RABGAP1L: variants seen among roughly 807,000 people sequenced by gnomAD.
RABGAP1L encodes rab GTPase-activating protein 1-like.
Under a neutral mutation model 137.7 loss-of-function variants are expected in RABGAP1L, and 63 were observed. The observed-to-expected ratio is 0.46, with a 90% CI of 0.37 to 0.56. The LOEUF (loss-of-function observed/expected upper bound fraction) is 0.56, where lower values mean the gene tolerates loss of function less well. RABGAP1L is among the 20% of genes least tolerant of loss of function. The probability of loss-of-function intolerance (pLI) is 0.00; values close to 1 mark genes in which losing one functional copy is unlikely to be tolerated. For missense variants in RABGAP1L, 1,095 were observed against 1,244.0 expected, an observed-to-expected ratio of 0.88 and a Z score of 1.80; for synonymous variants, 431 against 433.7, an observed-to-expected ratio of 0.99 and a Z score of 0.08.
intron 18 of RABGAP1L, among the ~76,000 whole-genome samples, chr1:174,796,980 C>T (rs949962642): frequency 6.7e-6 from 1 of 149,180 alleles, no homozygotes; most frequent in Admixed American, 6.8e-5. Context: ...GCATTCCAGC[C>T]TGGGCAACAG....
chr1:174,933,103 C>T (rs1375327938), intron 19 of RABGAP1L, among the ~76,000 whole-genome samples: 1 of 152,092 alleles, frequency 6.6e-6, no homozygotes, highest in Non-Finnish European at 1.5e-5. Flanking sequence ...TGCATACATA[C>T]ATACATACAT....
chr1:174,940,980 C>T (rs1665767576), intron 19 of RABGAP1L, among the ~76,000 whole-genome samples: 1 of 152,228 alleles, frequency 6.6e-6, no homozygotes, highest in Admixed American at 6.5e-5. Flanking sequence ...TGTATTCCTT[C>T]CGGCCTGCTC....
intron 12 of RABGAP1L, among the ~76,000 whole-genome samples, chr1:174,384,904 T>C (rs1157271982): frequency 3.3e-5 from 5 of 152,212 alleles, no homozygotes; most frequent in Non-Finnish European, 7.3e-5. Flanking sequence ...TTGTCTTATA[T>C]AGTGTTTTAA....
chr1:174,248,179 C>T (rs934733752), intron 5 of RABGAP1L, among the ~76,000 whole-genome samples: 3 of 152,166 alleles, frequency 2.0e-5, no homozygotes, highest in Non-Finnish European at 4.4e-5. Flanking sequence ...CCAGCTGAGG[C>T]TGAACCTTTC....
intron 19 of RABGAP1L, among the ~76,000 whole-genome samples, chr1:174,915,077 T>C (rs542505188): frequency 2.6e-5 from 4 of 152,362 alleles, no homozygotes; most frequent in South Asian, 4.1e-4. Flanking sequence ...CATTTACCAG[T>C]TGATGGACTT....
At chr1:174,649,760 A>G (rs1017349203) in intron 14 of RABGAP1L, among the ~76,000 whole-genome samples, 1 of 152,166 alleles carries the variant, frequency 6.6e-6, no homozygotes, top group African/African-American at 2.4e-5. Context: ...TTTTCTAGAT[A>G]TGCAATGATG....
chr1:174,612,630 G>C (rs1671370121), intron 13 of RABGAP1L, among the ~76,000 whole-genome samples: 2 of 152,094 alleles, frequency 1.3e-5, no homozygotes, highest in Admixed American at 6.5e-5. Flanking sequence ...CAGAAGGAAT[G>C]GTACCAGTTA....
At position 174,683,642 on chromosome 1, in the gene RABGAP1L, ATTTTAC is replaced by A. The variant is rs765748261; in HGVS notation, c.1899+50_1899+55del. On this transcript the variant is annotated intron_variant, in intron 15 of 25. Transcript: ENST00000681986. ...TAAATAGCACAGTGCTGCCAAGTTTATTTTACTTTCTACTGGCTTTGTTCTTCCTTC... is the reference window on the plus strand; with the variant it reads ...TAAATAGCACAGTGCTGCCAAGTTTATTTCTACTGGCTTTGTTCTTCCTTC... The A allele has an allele frequency of 2.1e-6, 3 of 1,421,578 alleles. No homozygotes were observed. The African/African-American group carries it at 4.3e-5, about 20-fold the overall frequency. 88.1% of individuals were successfully genotyped at this position (1,421,578 alleles called of 1,614,324 possible).
At chr1:174,934,944 G>T (rs866033564) in intron 19 of RABGAP1L, 3 of 152,138 alleles carry the variant, frequency 2.0e-5, no homozygotes, top group Admixed American at 6.5e-5. Flanking sequence ...TCTTTTTCTT[G>T]AGTGGCATGA....
chr1:174,547,382 C>T (rs545714660), intron 13 of RABGAP1L, among the ~76,000 whole-genome samples: 4 of 151,944 alleles, frequency 2.6e-5, no homozygotes, highest in African/African-American at 9.7e-5. Flanking sequence ...TTTGGAAGGC[C>T]GAGGCAGGAG....
At chr1:174,673,686 G>A (rs936758976) in intron 14 of RABGAP1L, among the ~76,000 whole-genome samples, 1 of 152,110 alleles carries the variant, frequency 6.6e-6, no homozygotes, top group Non-Finnish European at 1.5e-5. Flanking sequence ...GTTATACTAG[G>A]TATGGGAATT....
intron 20 of RABGAP1L, among the ~76,000 whole-genome samples, chr1:174,966,259 A>G (rs79509791): frequency 0.02 from 3,032 of 152,314 alleles, 106 homozygotes; most frequent in African/African-American, 0.07. Flanking sequence ...TTATACAAGT[A>G]CAATTTCAAT....
intron 13 of RABGAP1L, among the ~76,000 whole-genome samples, chr1:174,610,094 G>C (rs983599391): frequency 6.7e-6 from 1 of 149,356 alleles, no homozygotes; most frequent in African/African-American, 2.5e-5. Context: ...TAGGGTACAT[G>C]TGGACAATGT....
chr1:174,763,335 G>C lies in RABGAP1L; in HGVS notation c.2211+10981G>C, dbSNP rs546747314. Reference sequence around the variant, plus strand: ...GATCGAGACCATCCTGGCTAACACGGTGAAACCCCGTCTCTACTAAAAAAC... The same window carrying C: ...GATCGAGACCATCCTGGCTAACACGCTGAAACCCCGTCTCTACTAAAAAAC... On this transcript the variant is annotated intron_variant, in intron 18 of 25. Coordinates refer to ENST00000681986, the MANE Select transcript of RABGAP1L (RefSeq NM_001366446.1). 4.6e-5 allele frequency among the ~76,000 whole-genome samples: 7 copies of C among 151,538 alleles called. No homozygotes were observed. The South Asian group carries it at 1.5e-3, about 32-fold the overall frequency.
intron 14 of RABGAP1L, among the ~76,000 whole-genome samples, chr1:174,676,571 T>A (rs182588074): frequency 2.0e-5 from 3 of 152,258 alleles, no homozygotes; most frequent in East Asian, 3.9e-4. Flanking sequence ...AGATTCCTGA[T>A]TTTAAAATAT....
intron 19 of RABGAP1L, chr1:174,892,572 G>A (rs1399265960): frequency 1.9e-6 from 1 of 529,736 alleles, no homozygotes; most frequent in East Asian, 5.3e-5. Context: ...TGGAACTCAA[G>A]GGTGGTATTT....
intron 19 of RABGAP1L, chr1:174,892,514 A>G: frequency 2.0e-6 from 1 of 502,524 alleles, no homozygotes; most frequent in Admixed American, 2.2e-5. Flanking sequence ...GGTTTTCACA[A>G]AAGTTTCTCC....
intron 1 of RABGAP1L, among the ~76,000 whole-genome samples, chr1:174,175,623 C>CTTTTTT (rs770897839): frequency 1.6e-5 from 2 of 122,354 alleles, no homozygotes. Context: ...CGCCCGGCTA[C>CTTTTTT]TTTTTTTTTT....
intron 18 of RABGAP1L, among the ~76,000 whole-genome samples, chr1:174,806,778 A>G (rs181216429): frequency 1.3e-5 from 2 of 152,246 alleles, no homozygotes; most frequent in Admixed American, 1.3e-4. Flanking sequence ...CTTGACATTC[A>G]TAAAGCTTAT....
Sources: gnomAD v4.1 joint callset for allele counts (sites outside exome capture counted in the v4.1 genomes callset) on GRCh38, gnomAD v4.1.1 for gene constraint, MANE v1.5 for transcripts, NCBI Gene and HGNC (gene_info 2026-07-23, HGNC 2026-07-21) for gene names.